The following CCDC30 variants were observed in gnomAD, a reference collection of about 807,000 sequenced individuals.
CCDC30 encodes the protein coiled-coil domain containing 30.
Under a neutral mutation model 100.2 loss-of-function variants are expected in CCDC30, and 70 were observed. The observed-to-expected ratio is 0.70, with a 90% CI of 0.58 to 0.85. The LOEUF is 0.85. Ranked by LOEUF, CCDC30 falls within the 40% of genes least tolerant of loss-of-function variation. The pLI is 0.00. For synonymous variants in CCDC30, 233 were observed against 269.5 expected, an observed-to-expected ratio of 0.86 and a Z score of 1.33; for missense variants, 652 against 771.2, an observed-to-expected ratio of 0.85 and a Z score of 1.83.
At chr1:42,457,369 C>T in the CCDC30 span, 2 of 1,593,544 alleles carry the variant, frequency 1.3e-6, no homozygotes, top group Non-Finnish European at 1.7e-6. Context: ...CGCTTCTCTT[C>T]CAGAGATCTA....
chr1:42,516,218 T>C (rs1644552395), intron 6 of CCDC30, among the ~76,000 whole-genome samples: 1 of 152,202 alleles, frequency 6.6e-6, no homozygotes, highest in Non-Finnish European at 1.5e-5. Context: ...TTGTTGTCTG[T>C]TTTTTTCATG....
chr1:42,624,044 C>G (rs1646888194), intron 11 of CCDC30, among the ~76,000 whole-genome samples: 1 of 152,092 alleles, frequency 6.6e-6, no homozygotes, highest in South Asian at 2.1e-4. Flanking sequence ...TCCCTGTTGG[C>G]ATATAAAAAT....
intron 6 of CCDC30, among the ~76,000 whole-genome samples, chr1:42,501,594 C>T (rs1016922365): frequency 6.6e-6 from 1 of 152,018 alleles, no homozygotes; most frequent in Non-Finnish European, 1.5e-5. Context: ...TTTTATCTAC[C>T]TTTGGTCTTT....
chr1:42,538,584 C>A (rs1024815076), intron 6 of CCDC30, among the ~76,000 whole-genome samples: 3 of 151,974 alleles, frequency 2.0e-5, no homozygotes, highest in Admixed American at 6.6e-5. Context: ...CTAGCCTGGG[C>A]AACATAGCGA....
chr1:42,573,774 A>G (rs890012691), intron 7 of CCDC30, among the ~76,000 whole-genome samples: 1 of 152,216 alleles, frequency 6.6e-6, no homozygotes, highest in East Asian at 1.9e-4. Flanking sequence ...AAAAATATTT[A>G]TTACATTAAG....
chr1:42,610,944 G>T, intron 10 of CCDC30, 34 bp from the exon 15 acceptor site: 1 of 1,126,722 alleles, frequency 8.9e-7, no homozygotes. Flanking sequence ...CCTTTGTCAG[G>T]TCAGAGTTCT....
intron 11 of CCDC30, among the ~76,000 whole-genome samples, chr1:42,617,974 C>T (rs1190087865): frequency 1.3e-5 from 2 of 152,198 alleles, no homozygotes; most frequent in Non-Finnish European, 2.9e-5. Flanking sequence ...GTTGGGCCTA[C>T]ACCTAGGAAT....
intron 6 of CCDC30, among the ~76,000 whole-genome samples, chr1:42,510,548 T>C (rs1467951579): frequency 6.6e-6 from 1 of 151,950 alleles, no homozygotes; most frequent in Non-Finnish European, 1.5e-5. Context: ...TCCCAGCTAC[T>C]TGGGAGGCTG....
intron 6 of CCDC30, 63 bp from the exon 8 acceptor site, chr1:42,539,108 TTA>T: frequency 7.9e-7 from 1 of 1,272,568 alleles, no homozygotes; most frequent in Non-Finnish European, 1.0e-6. Flanking sequence ...CTTAAAAATA[TTA>T]TATCTTTTAT....
intron 6 of CCDC30, among the ~76,000 whole-genome samples, chr1:42,520,632 A>ATTTT (rs1644624927): frequency 1.3e-4 from 11 of 82,526 alleles, no homozygotes; most frequent in Non-Finnish European, 1.5e-4. Flanking sequence ...GCCCGGCCTC[A>ATTTT]TCTTTTTTTT....
chr1:42,497,297 G>A (rs1644245771), intron 5 of CCDC30, 84 bp downstream of exon 5: 1 of 820,010 alleles, frequency 1.2e-6, no homozygotes, highest in South Asian at 6.3e-5. Flanking sequence ...TATACAACAT[G>A]TAAGTTGGTC....
chr1:42,465,105 A>C (rs1378513394), intron 1 of CCDC30, among the ~76,000 whole-genome samples: 1 of 152,170 alleles, frequency 6.6e-6, no homozygotes, highest in African/African-American at 2.4e-5. Context: ...ATAAATTTAA[A>C]AACAATTTAA....
intron 15 of CCDC30, among the ~76,000 whole-genome samples, chr1:42,650,701 A>G (rs559617790): frequency 6.6e-6 from 1 of 151,990 alleles, no homozygotes; most frequent in Admixed American, 6.6e-5. Flanking sequence ...ATCACAGCTC[A>G]CTGCAGCCTC....
intron 11 of CCDC30, among the ~76,000 whole-genome samples, chr1:42,628,568 C>G (rs988352068): frequency 2.0e-5 from 3 of 152,114 alleles, no homozygotes; most frequent in Non-Finnish European, 4.4e-5. Context: ...GCAAGGGACC[C>G]AGGGGGAGGT....
rs146725127 is a variant in CCDC30 at position 42,627,395 on chromosome 1, A to G, written c.1278-9842A>G. On this transcript the variant is annotated intron_variant, in intron 11 of 16. Transcript: ENST00000668663. ...GCATAAAAATTCAGAAAATTTGCAG[A>G]CTGATGATGCAATAGAAAAGAAAAC... Among the ~76,000 whole-genome samples, 666 of 152,324 alleles carry G rather than the reference A, an allele frequency of 4.4e-3. 5 individuals are homozygous for G. The highest frequency in any genetic ancestry group is 0.032 in the South Asian group (155 of 4,832).
At chr1:42,615,411 C>G (rs1000144769) in intron 11 of CCDC30, among the ~76,000 whole-genome samples, 1 of 152,150 alleles carries the variant, frequency 6.6e-6, no homozygotes, top group African/African-American at 2.4e-5. Context: ...AATTCTCCTG[C>G]CTCAGCCTCC....
intron 10 of CCDC30, among the ~76,000 whole-genome samples, chr1:42,604,346 C>CT (rs1428614226): frequency 1.3e-5 from 2 of 152,178 alleles, no homozygotes; most frequent in Admixed American, 1.3e-4. Flanking sequence ...ATTCCAGAAT[C>CT]TAAAGAGGCA....
At chr1:42,471,245 A>G (rs1258671094) in intron 1 of CCDC30, among the ~76,000 whole-genome samples, 1 of 152,146 alleles carries the variant, frequency 6.6e-6, no homozygotes, top group African/African-American at 2.4e-5. Flanking sequence ...GTATTTTCCA[A>G]TATCCTGATC....
chr1:42,576,988 T>C lies in CCDC30; in HGVS notation c.637-32T>C, dbSNP rs765942403. 3 of 1,497,096 alleles carry C rather than the reference T, an allele frequency of 2.0e-6. No homozygotes were observed. In the South Asian group the frequency reaches 3.5e-5, roughly 17 times the overall value. 92.7% of individuals were successfully genotyped at this position (1,497,096 alleles called of 1,614,324 possible). On this transcript the variant is annotated intron_variant, in intron 7 of 16. Coordinates refer to ENST00000668663, the Ensembl canonical transcript of CCDC30. ...TAGTTCACATTCATTCCACACTTAT[T>C]TGTATTACTCTTACTTATTCTCTAC...
Sources: allele counts gnomAD v4.1 joint callset (sites outside exome capture counted in the v4.1 genomes callset), GRCh38; gene constraint gnomAD v4.1.1; transcripts MANE v1.5; gene names NCBI Gene and HGNC (gene_info 2026-07-23, HGNC 2026-07-21).